The following MESD variants were observed in gnomAD, a reference collection of about 807,000 sequenced individuals.
MESD encodes the protein mesoderm development LRP chaperone, also known as LRP chaperone MESD.
Under a neutral mutation model 12.9 loss-of-function variants are expected in MESD, and 7 were observed. The observed-to-expected ratio is 0.54, with a 90% CI of 0.31 to 1.02. The LOEUF (loss-of-function observed/expected upper bound fraction) is 1.02. Ranked by LOEUF, MESD falls within the 50% of genes least tolerant of loss-of-function variation. The probability of loss-of-function intolerance (pLI) is 0.05; values close to 1 mark genes in which losing one functional copy is unlikely to be tolerated. For missense variants in MESD, 342 were observed against 296.7 expected (o/e 1.15, Z -1.12); for synonymous variants, 126 against 115.6 (o/e 1.09, Z -0.58).
chr15:80,987,819 T>A (rs1195847103), intron 1 of MESD, among the ~76,000 whole-genome samples: 1 of 150,832 alleles, frequency 6.6e-6, no homozygotes, highest in East Asian at 2.0e-4. Context: ...TATGTGGCCC[T>A]GCTATTCACA....
chr15:80,952,327 A>G (rs1901862527), intron 3 of MESD: 1 of 417,824 alleles, frequency 2.4e-6, no homozygotes, highest in Non-Finnish European at 4.8e-6. Flanking sequence ...GGCAGAGGTT[A>G]GAGCAGGTGA....
downstream of MESD, chr15:80,946,638 C>T (rs929522273): frequency 8.5e-5 from 30 of 351,868 alleles, no homozygotes; most frequent in Non-Finnish European, 1.5e-4. Context: ...TACTGTGTGC[C>T]GAGCCCTGGC....
chr15:80,986,230 T>C (rs1902727722), intron 1 of MESD, among the ~76,000 whole-genome samples: 1 of 152,004 alleles, frequency 6.6e-6, no homozygotes, highest in South Asian at 2.1e-4. Flanking sequence ...TTCACATAAG[T>C]GGAGATTAGA....
downstream of MESD, chr15:80,946,856 T>C (rs746454567): frequency 1.6e-5 from 12 of 749,214 alleles, no homozygotes; most frequent in Non-Finnish European, 2.9e-5. Context: ...GACAGGCCTC[T>C]GGGCACTGCT....
chr15:80,954,548 T>G (rs1901925188), intron 3 of MESD, among the ~76,000 whole-genome samples: 1 of 152,084 alleles, frequency 6.6e-6, no homozygotes, highest in South Asian at 2.1e-4. Context: ...CACCTGGCAG[T>G]GCCCTCATGT....
chr15:80,989,372 C>CA (rs542020621), intron 1 of MESD, among the ~76,000 whole-genome samples: 1 of 152,098 alleles, frequency 6.6e-6, no homozygotes, highest in Non-Finnish European at 1.5e-5. Flanking sequence ...ACTGGAATGA[C>CA]AGAGGGCTGG....
chr15:80,969,553 A>T (rs868770987), intron 3 of MESD, among the ~76,000 whole-genome samples: 1 of 151,916 alleles, frequency 6.6e-6, no homozygotes, highest in South Asian at 2.1e-4. Flanking sequence ...TGCCTGCCTG[A>T]GTTTAAATCC....
At position 80,957,882 on chromosome 15, in the gene MESD, C is replaced by G. The variant is rs936034479; in HGVS notation, c.*289-5586G>C. 2.7e-5 allele frequency among the ~76,000 whole-genome samples: 4 copies of G among 148,914 alleles called. No individual in the cohort carries two copies. The East Asian group carries it at 8.1e-4, about 30-fold the overall frequency. On this transcript the variant is annotated intron_variant, in intron 3 of 4. Coordinates refer to the MESD transcript ENST00000561312. The stretch of plus-strand genomic sequence containing the variant: ...TTGGATGAAGCGCCACCCACCCCCC[C>G]ACCCCCATATTAGGGAGGGCCATCT...
At chr15:80,986,568 G>A (rs1426447280) in intron 1 of MESD, among the ~76,000 whole-genome samples, 1 of 152,158 alleles carries the variant, frequency 6.6e-6, no homozygotes, top group African/African-American at 2.4e-5. Context: ...TGTAAAAATA[G>A]TACCCTAGAT....
rs1902473074 is a variant in MESD at position 80,978,252 on chromosome 15, C to T, written c.*967G>A. ...TAAAATCACAATTGAGGGTTTTTCCCAAAGAATTTTAGTTCTTAGAAATGA... is the reference window on the plus strand; with the variant it reads ...TAAAATCACAATTGAGGGTTTTTCCTAAAGAATTTTAGTTCTTAGAAATGA... On this transcript the variant is annotated 3_prime_UTR_variant, in exon 3 of 3. Transcript: ENST00000261758. 6.6e-6 allele frequency: 1 copy of T among 152,048 alleles called. No individual in the cohort carries two copies. The highest frequency in any genetic ancestry group is 2.4e-5 in the African/African-American group (1 of 41,398). 9.4% of individuals were successfully genotyped at this position (152,048 alleles called of 1,614,324 possible).
intron 2 of MESD, 102 bp downstream of exon 2, chr15:80,981,848 T>C: frequency 3.3e-6 from 3 of 905,590 alleles, no homozygotes; most frequent in Non-Finnish European, 5.0e-6. Flanking sequence ...AGAGCAAAAC[T>C]CTGTCTCAAA....
chr15:80,987,177 CCT>C (rs750934182), intron 1 of MESD, among the ~76,000 whole-genome samples: 3 of 152,180 alleles, frequency 2.0e-5, no homozygotes, highest in Admixed American at 6.5e-5. Context: ...CCTCTCCACA[CCT>C]CTGAGGCACA....
chr15:80,975,127 A>T (rs1902376429), downstream of MESD, among the ~76,000 whole-genome samples: 1 of 151,660 alleles, frequency 6.6e-6, no homozygotes, highest in Admixed American at 6.6e-5. Flanking sequence ...CTCACAACTT[A>T]ATACCAGTGA....
rs1277424171 is a variant in MESD, at chr15:80,978,896, A to AG, written c.*322dup. Reference sequence around the variant, plus strand: ...CCACCCAATCACAGCAGGTGCTTGGAGGGGAGTGGAATCTCAGTAGAGTTG... The same window carrying AG: ...CCACCCAATCACAGCAGGTGCTTGGAGGGGGAGTGGAATCTCAGTAGAGTTG... On this transcript the variant is annotated 3_prime_UTR_variant, in exon 3 of 3. Transcript: ENST00000261758. The AG allele has an allele frequency of 3.9e-5, 14 of 357,090 alleles. No homozygotes were observed. The highest frequency in any genetic ancestry group is 6.6e-5 in the Non-Finnish European group (13 of 195,908). The allele number at this position is 357,090 out of a possible 1,614,324, so 22.1% of individuals were successfully genotyped here.
Position 80,979,484 on chromosome 15 carries a change from CAG to C in MESD, c.447-9_447-8del. 2.5e-6 allele frequency: 4 copies of C among 1,611,730 alleles called. No homozygotes were observed. The highest frequency in any genetic ancestry group is 1.7e-5 in the Admixed American group (1 of 59,948). ...GTCTGATCCCACAATGAACCTTGGG[CAG>C]AGAGATGCAATCAGTCAGCCAGCAC... On this transcript the variant is annotated splice_region_variant and splice_polypyrimidine_tract_variant and intron_variant, in intron 2 of 2. Transcript: ENST00000261758.
intron 3 of MESD, among the ~76,000 whole-genome samples, chr15:80,955,638 T>TGTGTGTGTGTGA (rs1261492232): frequency 2.7e-5 from 4 of 150,262 alleles, no homozygotes; most frequent in Admixed American, 6.6e-5. Flanking sequence ...TGTGTGTGTG[T>TGTGTGTGTGTGA]GAGAGAGACA....
rs1567125174 is a variant in MESD at position 80,979,232 on chromosome 15, CTT to C, written c.690_691del (p.Glu232ArgfsTer8). On this transcript the variant is annotated frameshift_variant, in exon 3 of 3. Transcript: ENST00000261758. LOFTEE classifies it high-confidence loss of function. Reference sequence around the variant, plus strand: ...ACTGCTGCCCCATCACAGGTCTTCTCTTTTATTCCCAGCTCGATTTTCTTCCT... The same window carrying C: ...ACTGCTGCCCCATCACAGGTCTTCTCTTATTCCCAGCTCGATTTTCTTCCT... 1 of 1,613,628 alleles carries C rather than the reference CTT, an allele frequency of 6.2e-7. No individual in the cohort carries two copies.
chr15:80,967,089 C>T (rs1358431380), intron 3 of MESD, among the ~76,000 whole-genome samples: 2 of 152,026 alleles, frequency 1.3e-5, no homozygotes, highest in South Asian at 2.1e-4. Flanking sequence ...GTCAGGAGTT[C>T]GAGACCAGCC....
At chr15:80,983,888 C>CAAATTTATTT (rs1902654857) in intron 1 of MESD, among the ~76,000 whole-genome samples, 1 of 142,340 alleles carries the variant, frequency 7.0e-6, no homozygotes, top group African/African-American at 2.6e-5. Context: ...TAATAGAAAA[C>CAAATTTATTT]AGTAACTTTT....
Sources: gnomAD v4.1 joint callset for allele counts (sites outside exome capture counted in the v4.1 genomes callset) on GRCh38, gnomAD v4.1.1 for gene constraint, MANE v1.5 for transcripts, NCBI Gene and HGNC (gene_info 2026-07-23, HGNC 2026-07-21) for gene names.